QTMAN: variants seen among roughly 807,000 people sequenced by gnomAD.
QTMAN encodes the protein tRNA-queuosine alpha-mannosyltransferase.
At chr2:144,257,435 C>T in the QTMAN span, among the ~76,000 whole-genome samples, 3 of 152,016 alleles carry the variant, frequency 2.0e-5, no homozygotes, top group South Asian at 6.2e-4. Context: ...TTCTTATTGT[C>T]AATGACCTAG....
the QTMAN span, among the ~76,000 whole-genome samples, chr2:144,133,907 A>G: frequency 2.0e-5 from 3 of 152,174 alleles, no homozygotes; most frequent in Admixed American, 2.0e-4. Context: ...TTAATATTCA[A>G]GAAGACAGTG....
chr2:143,987,486 T>C, the QTMAN span, among the ~76,000 whole-genome samples: 1 of 152,236 alleles, frequency 6.6e-6, no homozygotes, highest in Admixed American at 6.5e-5. Flanking sequence ...GTTGCCTGAC[T>C]TTTCCAGGCA....
chr2:144,058,327 G>A, the QTMAN span, among the ~76,000 whole-genome samples: 5 of 152,112 alleles, frequency 3.3e-5, no homozygotes, highest in South Asian at 1.0e-3. Flanking sequence ...AATATCAATA[G>A]GAACTAAGTA....
the QTMAN span, among the ~76,000 whole-genome samples, chr2:144,280,994 A>G: frequency 3.3e-5 from 5 of 151,674 alleles, no homozygotes; most frequent in African/African-American, 1.2e-4. Flanking sequence ...TGCCATGTTG[A>G]TGTGCTGCAC....
chr2:144,254,272 A>C, the QTMAN span, among the ~76,000 whole-genome samples: 1 of 152,054 alleles, frequency 6.6e-6, no homozygotes, highest in East Asian at 1.9e-4. Flanking sequence ...AAATACAAAA[A>C]TTAGTTGGGT....
the QTMAN span, chr2:143,952,222 C>A: frequency 1.6e-6 from 1 of 609,512 alleles, no homozygotes; most frequent in Admixed American, 2.9e-5. Context: ...GTTACCTCAG[C>A]TCACAAGGAT....
the QTMAN span, among the ~76,000 whole-genome samples, chr2:144,157,520 C>T: frequency 6.6e-6 from 1 of 151,676 alleles, no homozygotes; most frequent in Non-Finnish European, 1.5e-5. Context: ...ATGCCATAAG[C>T]GAAGTGAGAA....
At chr2:144,182,880 T>TAAA in the QTMAN span, among the ~76,000 whole-genome samples, 2 of 81,330 alleles carry the variant, frequency 2.5e-5, no homozygotes. Flanking sequence ...ATATTATATA[T>TAAA]ATATTTTATA....
At chr2:144,224,390 C>T in the QTMAN span, among the ~76,000 whole-genome samples, 1 of 152,160 alleles carries the variant, frequency 6.6e-6, no homozygotes. Flanking sequence ...AGTGTCTGCT[C>T]ATCATTGTTC....
At chr2:144,105,438 C>T in the QTMAN span, among the ~76,000 whole-genome samples, 3 of 152,064 alleles carry the variant, frequency 2.0e-5, no homozygotes, top group Admixed American at 6.5e-5. Flanking sequence ...AACCATGGCA[C>T]GAGAACTACG....
At chr2:144,198,124 G>A in the QTMAN span, among the ~76,000 whole-genome samples, 3 of 152,086 alleles carry the variant, frequency 2.0e-5, no homozygotes, top group Non-Finnish European at 4.4e-5. Context: ...TAGTACGGGA[G>A]GCTGAGGTGG....
At chr2:143,942,740 G>A in the QTMAN span, 2 of 167,200 alleles carry the variant, frequency 1.2e-5, no homozygotes, top group East Asian at 3.9e-4. Context: ...TGAGGGTTGA[G>A]GTGAAGCCCC....
the QTMAN span, among the ~76,000 whole-genome samples, chr2:144,093,933 T>TG: frequency 1.2e-4 from 19 of 152,336 alleles, no homozygotes; most frequent in Non-Finnish European, 1.5e-4. Context: ...AATGTAATTA[T>TG]CTTATTTGAG....
the QTMAN span, among the ~76,000 whole-genome samples, chr2:144,165,924 A>C: frequency 2.6e-5 from 4 of 152,050 alleles, no homozygotes; most frequent in Non-Finnish European, 5.9e-5. Flanking sequence ...GCTGCAAAAA[A>C]CACCTAACTA....
At chr2:143,947,790 A>C in the QTMAN span, among the ~76,000 whole-genome samples, 3 of 151,672 alleles carry the variant, frequency 2.0e-5, no homozygotes, top group African/African-American at 7.2e-5. Context: ...GTGATGCTAA[A>C]AGGTTTTTTC....
the QTMAN span, among the ~76,000 whole-genome samples, chr2:144,081,829 G>T: frequency 1.3e-5 from 2 of 152,176 alleles, no homozygotes; most frequent in Admixed American, 6.5e-5. Flanking sequence ...GAGGTCCAGA[G>T]AGAGCCTATC....
chr2:144,088,264 G>A, the QTMAN span, among the ~76,000 whole-genome samples: 1 of 151,834 alleles, frequency 6.6e-6, no homozygotes, highest in Non-Finnish European at 1.5e-5. Flanking sequence ...ATTTGACCAA[G>A]GAAGTGAAAG....
the QTMAN span, among the ~76,000 whole-genome samples, chr2:143,967,817 C>T: frequency 6.6e-6 from 1 of 152,170 alleles, no homozygotes; most frequent in African/African-American, 2.4e-5. Flanking sequence ...CAGTATACCT[C>T]AGTGGCTAAA....
chr2:143,938,703 A>T, the QTMAN span: 2 of 152,178 alleles, frequency 1.3e-5, no homozygotes, highest in South Asian at 2.1e-4. Context: ...AAAATTTCCA[A>T]GTCCTTTTTT....
Sources: allele counts gnomAD v4.1 joint callset (sites outside exome capture counted in the v4.1 genomes callset), GRCh38; gene constraint gnomAD v4.1.1; transcripts MANE v1.5; gene names NCBI Gene and HGNC (gene_info 2026-07-23, HGNC 2026-07-21).